The following KIAA0040 variants were observed in gnomAD, a reference collection of about 807,000 sequenced individuals.
KIAA0040 encodes the protein KIAA0040.
In KIAA0040, 10 loss-of-function variants were observed where a neutral mutation model predicts 7.2. The observed-to-expected ratio is 1.38, with a 90% CI of 0.85 to 2.34. KIAA0040 has a LOEUF of 2.34. Among genes scored for constraint, KIAA0040 ranks in the 30% most tolerant of loss-of-function variants. The probability of loss-of-function intolerance (pLI) is 0.00; values close to 1 mark genes in which losing one functional copy is unlikely to be tolerated. For missense variants in KIAA0040, 89 were observed against 108.2 expected (o/e 0.82, Z 0.79); for synonymous variants, 49 against 40.1 (o/e 1.22, Z -0.84).
At chr1:175,177,103 G>A (rs1185724343) in intron 2 of KIAA0040, among the ~76,000 whole-genome samples, 1 of 152,166 alleles carries the variant, frequency 6.6e-6, no homozygotes, top group Non-Finnish European at 1.5e-5. Flanking sequence ...GGAGGTAGGG[G>A]GGATGGTGGG....
intron 1 of KIAA0040, among the ~76,000 whole-genome samples, chr1:175,190,274 C>T (rs1362269206): frequency 6.6e-6 from 1 of 152,210 alleles, no homozygotes; most frequent in South Asian, 2.1e-4. Flanking sequence ...CGGAGAAAGT[C>T]ATCTGGAAGT....
Position 175,160,878 on chromosome 1 carries a change from TG to T in KIAA0040, c.135del (p.Phe45LeufsTer57). On this transcript the variant is annotated frameshift_variant, in exon 4 of 4. Transcript: ENST00000423313. LOFTEE classifies it high-confidence loss of function. ...LPLLVIITLL[F>X]ICCHCCWSPP... is the part of the protein sequence containing the mutation. The stretch of plus-strand genomic sequence containing the variant: ...GGGCTCCAGCAGCAATGGCAACAGA[TG>T]AAGAGGAGTGTGATGATCACCAAGA... 1 of 1,551,468 alleles carries T rather than the reference TG, an allele frequency of 6.4e-7. No homozygotes were observed. Among genetic ancestry groups the T allele is most frequent in the Non-Finnish European group, 8.7e-7 (1 of 1,146,972 alleles).
chr1:175,174,695 C>T (rs984927963), intron 2 of KIAA0040, among the ~76,000 whole-genome samples: 18 of 152,140 alleles, frequency 1.2e-4, no homozygotes, highest in Non-Finnish European at 2.2e-4. Flanking sequence ...CCCTCCTATC[C>T]CCCGCCTTTC....
chr1:175,162,590 A>G (rs1422756743), intron 3 of KIAA0040, among the ~76,000 whole-genome samples: 2 of 152,242 alleles, frequency 1.3e-5, no homozygotes, highest in East Asian at 3.9e-4. Context: ...AACACTGGGG[A>G]CCTGGGCCTG....
intron 2 of KIAA0040, among the ~76,000 whole-genome samples, chr1:175,174,034 A>ACCC (rs1350733799): frequency 7.6e-5 from 9 of 118,594 alleles, no homozygotes; most frequent in South Asian, 5.9e-4. Context: ...CCCCGACCCC[A>ACCC]CACCCCAGTC....
intron 1 of KIAA0040, among the ~76,000 whole-genome samples, chr1:175,191,440 G>T (rs1677861698): frequency 6.6e-6 from 1 of 152,220 alleles, no homozygotes; most frequent in African/African-American, 2.4e-5. Flanking sequence ...GGGACAGAGA[G>T]GCAGAATTTC....
At chr1:175,168,178 C>T (rs999853891) in intron 2 of KIAA0040, among the ~76,000 whole-genome samples, 1 of 152,174 alleles carries the variant, frequency 6.6e-6, no homozygotes, top group Non-Finnish European at 1.5e-5. Context: ...TGGTTCTCAC[C>T]TTGCTAACCT....
intron 3 of KIAA0040, among the ~76,000 whole-genome samples, chr1:175,166,020 G>A: frequency 6.6e-6 from 1 of 152,196 alleles, no homozygotes; most frequent in Non-Finnish European, 1.5e-5. Flanking sequence ...GAATCCCTGA[G>A]ACCAACTCCA....
At chr1:175,162,635 T>A (rs910023841) in intron 3 of KIAA0040, among the ~76,000 whole-genome samples, 1 of 152,202 alleles carries the variant, frequency 6.6e-6, no homozygotes, top group African/African-American at 2.4e-5. Flanking sequence ...ATTGCATACA[T>A]GTGCAGCCCT....
chr1:175,192,838 C>CCCGCCCCGCCCCGCCCCGCT, upstream of KIAA0040: 1 of 150,572 alleles, frequency 6.6e-6, no homozygotes, highest in Admixed American at 6.6e-5. Flanking sequence ...CCCGCCCCGC[C>CCCGCCCCGCCCCGCCCCGCT]CCGCTCCACC....
At chr1:175,189,139 T>G (rs1677774469) in intron 1 of KIAA0040, among the ~76,000 whole-genome samples, 1 of 152,218 alleles carries the variant, frequency 6.6e-6, no homozygotes, top group African/African-American at 2.4e-5. Flanking sequence ...TTCCTCTTTT[T>G]CATCAACAGC....
intron 1 of KIAA0040, among the ~76,000 whole-genome samples, chr1:175,188,349 A>T (rs749472682): frequency 1.3e-5 from 2 of 152,182 alleles, no homozygotes; most frequent in Non-Finnish European, 2.9e-5. Context: ...GTGGCGGAAA[A>T]GCTAGAAACC....
At chr1:175,179,884 C>G (rs1677368877) in intron 1 of KIAA0040, among the ~76,000 whole-genome samples, 1 of 152,244 alleles carries the variant, frequency 6.6e-6, no homozygotes, top group African/African-American at 2.4e-5. Context: ...TAGTTTTCCA[C>G]TTCCCCAGTG....
At chr1:175,187,811 A>G (rs1677720921) in intron 1 of KIAA0040, among the ~76,000 whole-genome samples, 1 of 151,932 alleles carries the variant, frequency 6.6e-6, no homozygotes, top group Non-Finnish European at 1.5e-5. Flanking sequence ...AAGACTAAAC[A>G]TACTATCACA....
rs568043788 is a variant in KIAA0040, at chr1:175,182,282, C to T, written c.-383-4598G>A. Among the ~76,000 whole-genome samples, 3 of 152,312 alleles carry T rather than the reference C, an allele frequency of 2.0e-5. No homozygotes were observed. The East Asian group carries it at 5.8e-4, about 29-fold the overall frequency. ...GTATAGTGAATTTTCTGCCTCCTCCCTGTCCCTCACCCTCACCCCAACTAC... is the reference window on the plus strand; with the variant it reads ...GTATAGTGAATTTTCTGCCTCCTCCTTGTCCCTCACCCTCACCCCAACTAC... On this transcript the variant is annotated intron_variant, in intron 1 of 3. Transcript: ENST00000423313.
chr1:175,176,112 T>C (rs2101895738), intron 2 of KIAA0040, among the ~76,000 whole-genome samples: 1 of 152,300 alleles, frequency 6.6e-6, no homozygotes, highest in Non-Finnish European at 1.5e-5. Context: ...TTTGGGGCAA[T>C]AACAGAATGA....
intron 1 of KIAA0040, among the ~76,000 whole-genome samples, chr1:175,181,307 G>A (rs554809916): frequency 2.0e-5 from 3 of 152,328 alleles, no homozygotes; most frequent in African/African-American, 7.2e-5. Flanking sequence ...TCTGGAGGGA[G>A]GAACTTCCTT....
At chr1:175,178,810 T>A (rs979530445) in intron 1 of KIAA0040, among the ~76,000 whole-genome samples, 1 of 152,182 alleles carries the variant, frequency 6.6e-6, no homozygotes, top group African/African-American at 2.4e-5. Flanking sequence ...CTAATATATA[T>A]GAGAGTTCTT....
intron 2 of KIAA0040, among the ~76,000 whole-genome samples, chr1:175,173,985 A>G (rs1049372582): frequency 5.3e-5 from 8 of 152,072 alleles, no homozygotes; most frequent in African/African-American, 1.2e-4. Context: ...CATGGCCACA[A>G]TCTGCTGGAG....
Sources: gnomAD v4.1 joint callset for allele counts (sites outside exome capture counted in the v4.1 genomes callset) on GRCh38, gnomAD v4.1.1 for gene constraint, MANE v1.5 for transcripts, NCBI Gene and HGNC (gene_info 2026-07-23, HGNC 2026-07-21) for gene names.